The following FAM135B variants were observed in gnomAD, a reference collection of about 807,000 sequenced individuals.
FAM135B encodes the protein family with sequence similarity 135 member B.
In FAM135B, 43 loss-of-function variants were observed where a neutral mutation model predicts 127.7. That is an observed-to-expected ratio of 0.34 (90% CI 0.26 to 0.43). FAM135B has a LOEUF of 0.43. Ranked by LOEUF, FAM135B falls within the 20% of genes least tolerant of loss-of-function variation. The probability of loss-of-function intolerance (pLI) is 1.00; values close to 1 mark genes in which losing one functional copy is unlikely to be tolerated. For synonymous variants in FAM135B, 670 were observed against 665.1 expected, an observed-to-expected ratio of 1.01 and a Z score of -0.11; for missense variants, 1,558 against 1,725.6, an observed-to-expected ratio of 0.90 and a Z score of 1.72.
At chr8:138,247,455 C>T (rs866580398) in intron 6 of FAM135B, among the ~76,000 whole-genome samples, 1 of 152,176 alleles carries the variant, frequency 6.6e-6, no homozygotes, top group Non-Finnish European at 1.5e-5. Flanking sequence ...TATCCTTTTG[C>T]TCAGCACTTC....
intron 4 of FAM135B, among the ~76,000 whole-genome samples, chr8:138,261,992 T>G (rs551903945): frequency 6.6e-6 from 1 of 152,364 alleles, no homozygotes; most frequent in East Asian, 1.9e-4. Context: ...TTAACTTTTA[T>G]TATCCCTGAT....
At chr8:138,362,051 T>C (rs959527323) in intron 2 of FAM135B, among the ~76,000 whole-genome samples, 11 of 152,132 alleles carry the variant, frequency 7.2e-5, no homozygotes, top group African/African-American at 2.2e-4. Context: ...AATATAGGCA[T>C]GCAACGCATA....
At chr8:138,136,148 C>T (rs752587257) in intron 19 of FAM135B, among the ~76,000 whole-genome samples, 23 of 151,658 alleles carry the variant, frequency 1.5e-4, no homozygotes, top group Non-Finnish European at 2.6e-4. Flanking sequence ...TGTATTAAAA[C>T]TAATTTTTAA....
chr8:138,178,040 T>C (rs893281507), intron 10 of FAM135B, among the ~76,000 whole-genome samples: 1 of 151,014 alleles, frequency 6.6e-6, no homozygotes, highest in Non-Finnish European at 1.5e-5. Flanking sequence ...AGGTCAGGAG[T>C]TCGAGACCAG....
rs754019782 is a variant in FAM135B, at chr8:138,265,696, G to A, written c.297+7C>T. ...TACTTGTGGCTGGTGGTAGATTCAT[G>A]ACTTACCCTTTCACCACCCAAGAGT... On this transcript the variant is annotated splice_region_variant and intron_variant, in intron 4 of 19. Coordinates refer to ENST00000395297, the MANE Select transcript of FAM135B (RefSeq NM_015912.4). The A allele has an allele frequency of 6.2e-7, 1 of 1,613,966 alleles. No individual in the cohort carries two copies. The highest frequency in any genetic ancestry group is 8.5e-7 in the Non-Finnish European group (1 of 1,179,940).
chr8:138,346,114 G>A (rs917414916), intron 2 of FAM135B, among the ~76,000 whole-genome samples: 1 of 152,080 alleles, frequency 6.6e-6, no homozygotes. Context: ...ACCATCTCAC[G>A]CCAGTCAGAA....
At chr8:138,409,149 T>C (rs1587378880) in intron 1 of FAM135B, among the ~76,000 whole-genome samples, 2 of 152,114 alleles carry the variant, frequency 1.3e-5, no homozygotes, top group African/African-American at 2.4e-5. Context: ...GCGAGAAACA[T>C]GCGACACTTC....
At chr8:138,147,120 C>T (rs1456817730) in intron 14 of FAM135B, among the ~76,000 whole-genome samples, 2 of 152,038 alleles carry the variant, frequency 1.3e-5, no homozygotes, top group Non-Finnish European at 2.9e-5. Flanking sequence ...GAGTCACAGT[C>T]ATAAAATGGT....
chr8:138,480,460 G>A (rs1362094131), intron 1 of FAM135B, among the ~76,000 whole-genome samples: 1 of 152,194 alleles, frequency 6.6e-6, no homozygotes, highest in Admixed American at 6.5e-5. Flanking sequence ...CAGCTATGGT[G>A]TGGAAGCCCT....
At chr8:138,442,787 T>G (rs1053681392) in intron 1 of FAM135B, among the ~76,000 whole-genome samples, 1 of 151,840 alleles carries the variant, frequency 6.6e-6, no homozygotes, top group African/African-American at 2.4e-5. Context: ...TGCTGAGGAG[T>G]TCCCACTCCC....
intron 16 of FAM135B, among the ~76,000 whole-genome samples, chr8:138,142,042 T>G (rs952609804): frequency 6.6e-6 from 1 of 152,156 alleles, no homozygotes; most frequent in Admixed American, 6.5e-5. Flanking sequence ...TTTCTTTTAT[T>G]CTTTTTTTTA....
rs773045954 is a variant in FAM135B, at chr8:138,151,860, C to T, written c.2615G>A (p.Gly872Asp). The change falls in exon 13 of 20, where the codon GGT (glycine) becomes GAT (aspartate). Residue 872 changes from glycine (G) to aspartate (D), a missense_variant. Gly to Asp is a moderately conservative substitution (Grantham distance 94). This residue lies in a region of FAM135B where 923 missense variants were observed against 865.3 expected (regional missense o/e 1.07). Transcript: ENST00000395297. Reference sequence around the variant, plus strand: ...TAAATTAAGACCTTTGGTTTCAACACCTGGAGTGTTCTCAGTCCTGCCATC... The same window carrying T: ...TAAATTAAGACCTTTGGTTTCAACATCTGGAGTGTTCTCAGTCCTGCCATC... Reference protein sequence around the residue: ...LPDGRTENTPGVETKGLNLKI... With the variant: ...LPDGRTENTPDVETKGLNLKI... 1.7e-5 allele frequency: 28 copies of T among 1,613,924 alleles called. No individual in the cohort carries two copies. The African/African-American group carries it at 3.2e-4, about 18-fold the overall frequency.
chr8:138,226,553 TTG>T (rs552131363), intron 7 of FAM135B, among the ~76,000 whole-genome samples: 58 of 151,722 alleles, frequency 3.8e-4, no homozygotes, highest in African/African-American at 1.3e-3. Context: ...TCAGGGCTTT[TTG>T]TGTGTGTTTG....
At chr8:138,451,016 G>T (rs1836453113) in intron 1 of FAM135B, among the ~76,000 whole-genome samples, 1 of 152,172 alleles carries the variant, frequency 6.6e-6, no homozygotes, top group African/African-American at 2.4e-5. Flanking sequence ...ATGAAGTGCT[G>T]TGATCCAAAT....
intron 3 of FAM135B, among the ~76,000 whole-genome samples, chr8:138,297,197 A>T (rs1378691667): frequency 6.6e-6 from 1 of 152,230 alleles, no homozygotes; most frequent in Non-Finnish European, 1.5e-5. Context: ...AGTCTACACA[A>T]AAACAGCTAA....
intron 4 of FAM135B, among the ~76,000 whole-genome samples, chr8:138,260,478 T>G (rs1281592078): frequency 6.6e-6 from 1 of 152,164 alleles, no homozygotes; most frequent in African/African-American, 2.4e-5. Context: ...CTTGTGACTG[T>G]TCTTATAACT....
At chr8:138,200,989 C>T (rs1296746802) in intron 7 of FAM135B, among the ~76,000 whole-genome samples, 1 of 152,194 alleles carries the variant, frequency 6.6e-6, no homozygotes, top group Non-Finnish European at 1.5e-5. Flanking sequence ...CTCAGCATGC[C>T]ACACCTGCCT....
chr8:138,444,751 C>T (rs1836011597), intron 1 of FAM135B, among the ~76,000 whole-genome samples: 1 of 152,042 alleles, frequency 6.6e-6, no homozygotes, highest in Non-Finnish European at 1.5e-5. Context: ...ACTAGAGAAG[C>T]AACAGCAAAC....
chr8:138,193,563 AT>A (rs1329225278), intron 9 of FAM135B, among the ~76,000 whole-genome samples: 3 of 152,202 alleles, frequency 2.0e-5, no homozygotes, highest in African/African-American at 7.2e-5. Flanking sequence ...TGTTGTTTCA[AT>A]TGCTAAAACT....
Sources: allele counts gnomAD v4.1 joint callset (sites outside exome capture counted in the v4.1 genomes callset), GRCh38; gene constraint gnomAD v4.1.1; regional missense constraint gnomAD v4.1.1; transcripts MANE v1.5; gene names NCBI Gene and HGNC (gene_info 2026-07-23, HGNC 2026-07-21).